The following DAB1 variants were observed in gnomAD, a reference collection of about 807,000 sequenced individuals.
DAB1 encodes disabled homolog 1.
DAB1 carries 15 observed loss-of-function variants against 64.6 expected under a neutral mutation model. That is an observed-to-expected ratio of 0.23 (90% CI 0.16 to 0.36). The LOEUF (loss-of-function observed/expected upper bound fraction) is 0.36, where lower values mean the gene tolerates loss of function less well. Ranked by LOEUF, DAB1 falls within the 10% of genes least tolerant of loss-of-function variation. DAB1 has a pLI of 1.00. For missense variants in DAB1, 596 were observed against 706.7 expected, an observed-to-expected ratio of 0.84 and a Z score of 1.78; for synonymous variants, 235 against 251.9, an observed-to-expected ratio of 0.93 and a Z score of 0.64.
At chr1:58,358,651 G>T (rs957154238) in intron 3 of DAB1, among the ~76,000 whole-genome samples, 1 of 152,138 alleles carries the variant, frequency 6.6e-6, no homozygotes, top group Admixed American at 6.6e-5. Context: ...GGTGATAAAA[G>T]ACAGGGCTTT....
intron 3 of DAB1, among the ~76,000 whole-genome samples, chr1:57,141,913 C>T (rs536120109): frequency 4.6e-5 from 7 of 152,240 alleles, no homozygotes; most frequent in African/African-American, 1.7e-4. Context: ...AACACAGGCC[C>T]TCTTGGTGTC....
chr1:57,637,464 G>A (rs548096225), intron 7 of DAB1, among the ~76,000 whole-genome samples: 1 of 152,252 alleles, frequency 6.6e-6, no homozygotes, highest in African/African-American at 2.4e-5. Context: ...CAGAGTGGTG[G>A]GTATATGCAG....
chr1:57,402,226 T>A (rs1488908770), intron 1 of DAB1, among the ~76,000 whole-genome samples: 1 of 152,120 alleles, frequency 6.6e-6, no homozygotes, highest in Non-Finnish European at 1.5e-5. Context: ...TTTAAAAAAA[T>A]TGGCATAAAT....
At chr1:57,483,225 G>C (rs1224048628) in intron 7 of DAB1, among the ~76,000 whole-genome samples, 2 of 152,088 alleles carry the variant, frequency 1.3e-5, no homozygotes, top group African/African-American at 4.8e-5. Flanking sequence ...TTACTGATAT[G>C]GTTTGGCTGT....
intron 5 of DAB1, among the ~76,000 whole-genome samples, chr1:57,964,361 C>A (rs1557582586): frequency 6.6e-6 from 1 of 152,188 alleles, no homozygotes; most frequent in Non-Finnish European, 1.5e-5. Context: ...ACATTGAGCT[C>A]TTACTGTAGA....
chr1:57,953,527 C>T (rs1215583822), intron 5 of DAB1, among the ~76,000 whole-genome samples: 1 of 152,176 alleles, frequency 6.6e-6, no homozygotes, highest in Non-Finnish European at 1.5e-5. Flanking sequence ...TCCCATTTTA[C>T]AGAGTGGACT....
At chr1:57,922,845 CAAAAAAA>C (rs367897659) in intron 5 of DAB1, among the ~76,000 whole-genome samples, 1 of 45,010 alleles carries the variant, frequency 2.2e-5, no homozygotes, top group Non-Finnish European at 3.6e-5. Flanking sequence ...GACTCCATCT[CAAAAAAA>C]AAAAAAAAAA....
chr1:57,567,755 C>A (rs533505729), intron 7 of DAB1, among the ~76,000 whole-genome samples: 1 of 152,244 alleles, frequency 6.6e-6, no homozygotes, highest in African/African-American at 2.4e-5. Flanking sequence ...AACTACAAAC[C>A]ACTGCTCAAC....
At chr1:58,267,561 C>T (rs1661200787) in intron 4 of DAB1, among the ~76,000 whole-genome samples, 1 of 152,134 alleles carries the variant, frequency 6.6e-6, no homozygotes, top group South Asian at 2.1e-4. Context: ...AGCTTGTCTC[C>T]TACTGTGATA....
In DAB1 at chr1:57,456,620, G is replaced by GA. The variant is rs201725093; in HGVS notation, n.626-165455dup. Among the ~76,000 whole-genome samples, 1,483 of 151,644 alleles carry GA rather than the reference G, an allele frequency of 9.8e-3. 22 individuals carry two copies. The highest frequency in any genetic ancestry group is 0.025 in the South Asian group (120 of 4,798). ...TTCTCTCAATCCTCTCATAAAGGCA[G>GA]AAAAAAAACTCATAAAAATATACCA... On this transcript the variant is annotated intron_variant and non_coding_transcript_variant, in intron 7 of 20. Transcript: ENST00000485760.
intron 5 of DAB1, among the ~76,000 whole-genome samples, chr1:58,092,302 CAGCCTGGGTGACAG>C (rs966962686): frequency 3.3e-5 from 5 of 150,772 alleles, no homozygotes; most frequent in African/African-American, 1.2e-4. Flanking sequence ...CACTGTACTC[CAGCCTGGGTGACAG>C]AGCAAGACTC....
chr1:57,110,526 G>A (rs1156913035), intron 4 of DAB1, among the ~76,000 whole-genome samples: 1 of 152,168 alleles, frequency 6.6e-6, no homozygotes, highest in Non-Finnish European at 1.5e-5. Flanking sequence ...ATGTTGCAGT[G>A]GTTACATCTA....
At chr1:58,462,563 G>A (rs1289070909) in intron 3 of DAB1, 20 of 152,134 alleles carry the variant, frequency 1.3e-4, no homozygotes. Flanking sequence ...AATGAGTACA[G>A]TGTTTTTATT....
chr1:57,989,028 C>A (rs1051196704), intron 5 of DAB1, among the ~76,000 whole-genome samples: 3 of 152,090 alleles, frequency 2.0e-5, no homozygotes, highest in African/African-American at 7.2e-5. Context: ...CTCCCCTCTG[C>A]GAGGAGAGCA....
At chr1:57,055,380 A>C (rs778262625) in intron 9 of DAB1, among the ~76,000 whole-genome samples, 1 of 152,182 alleles carries the variant, frequency 6.6e-6, no homozygotes, top group Non-Finnish European at 1.5e-5. Flanking sequence ...AAGCATCCAA[A>C]TGTGTTATTT....
chr1:57,978,635 C>A (rs562853272), intron 5 of DAB1, among the ~76,000 whole-genome samples: 13 of 152,226 alleles, frequency 8.5e-5, no homozygotes, highest in African/African-American at 3.1e-4. Flanking sequence ...AGGCAACCTA[C>A]AAAATGGGAG....
intron 2 of DAB1, among the ~76,000 whole-genome samples, chr1:57,254,651 T>A (rs1278054958): frequency 6.6e-6 from 1 of 152,202 alleles, no homozygotes; most frequent in Non-Finnish European, 1.5e-5. Context: ...CCACTCATCA[T>A]GTTGGTTGGC....
rs557552135 is a variant in DAB1 at position 57,418,504 on chromosome 1, G to T, written c.-137+5426C>A. 1.2e-4 allele frequency among the ~76,000 whole-genome samples: 18 copies of T among 152,274 alleles called. No homozygotes were observed. The East Asian group carries it at 2.9e-3, about 25-fold the overall frequency. ...AGCAGATGCATGGGGTTGGTAATTT[G>T]CAAGACTCACTACAGGTGGTCAAGA... On this transcript the variant is annotated intron_variant, in intron 1 of 14. Coordinates refer to ENST00000371236, the MANE Select transcript of DAB1 (RefSeq NM_001365792.1).
At chr1:58,485,058 T>C (rs1188457029) in intron 3 of DAB1, among the ~76,000 whole-genome samples, 1 of 151,928 alleles carries the variant, frequency 6.6e-6, no homozygotes, top group Non-Finnish European at 1.5e-5. Flanking sequence ...GTGATAATGA[T>C]GGGTCAACAT....
Sources: gnomAD v4.1 joint callset for allele counts (sites outside exome capture counted in the v4.1 genomes callset) on GRCh38, gnomAD v4.1.1 for gene constraint, MANE v1.5 for transcripts, NCBI Gene and HGNC (gene_info 2026-07-23, HGNC 2026-07-21) for gene names.